SPOCK1: variants seen among roughly 807,000 people sequenced by gnomAD.
SPOCK1 encodes SPARC (osteonectin), cwcv and kazal like domains proteoglycan 1.
SPOCK1 carries 23 observed loss-of-function variants against 55.3 expected under a neutral mutation model. The observed-to-expected ratio is 0.42, with a 90% confidence interval of 0.30 to 0.59. The LOEUF (loss-of-function observed/expected upper bound fraction) is 0.59, where lower values mean the gene tolerates loss of function less well. Ranked by LOEUF, SPOCK1 falls within the 20% of genes least tolerant of loss-of-function variation. SPOCK1 has a pLI of 0.22. For synonymous variants in SPOCK1, 226 were observed against 221.0 expected, an observed-to-expected ratio of 1.02 and a Z score of -0.20; for missense variants, 499 against 552.5, an observed-to-expected ratio of 0.90 and a Z score of 0.97.
intron 3 of SPOCK1, among the ~76,000 whole-genome samples, chr5:137,157,113 G>T (rs1338295404): frequency 3.9e-5 from 6 of 151,926 alleles, no homozygotes; most frequent in Non-Finnish European, 2.9e-5. Flanking sequence ...CCTCCCTCCT[G>T]CACTCTTACA....
chr5:137,254,135 T>C (rs1434296728), intron 3 of SPOCK1, among the ~76,000 whole-genome samples: 1 of 152,212 alleles, frequency 6.6e-6, no homozygotes, highest in Non-Finnish European at 1.5e-5. Context: ...TCATAATTAT[T>C]AGCAGATGCC....
intron 6 of SPOCK1, among the ~76,000 whole-genome samples, chr5:137,016,787 T>C (rs1020141079): frequency 2.6e-5 from 4 of 152,208 alleles, no homozygotes; most frequent in African/African-American, 9.6e-5. Context: ...TTTGCTGTAT[T>C]TTAAGAGAGC....
chr5:137,247,664 A>G (rs568648274), intron 3 of SPOCK1, among the ~76,000 whole-genome samples: 3 of 152,304 alleles, frequency 2.0e-5, no homozygotes, highest in Non-Finnish European at 4.4e-5. Flanking sequence ...TTATAAAGCA[A>G]AGAAGTTTAT....
intron 3 of SPOCK1, among the ~76,000 whole-genome samples, chr5:137,167,328 T>C (rs1580786789): frequency 6.6e-6 from 1 of 152,126 alleles, no homozygotes; most frequent in Non-Finnish European, 1.5e-5. Context: ...AAGTAAATAT[T>C]TGATCTAAAG....
At chr5:137,375,347 A>G (rs546987626) in intron 2 of SPOCK1, among the ~76,000 whole-genome samples, 25 of 152,340 alleles carry the variant, frequency 1.6e-4, no homozygotes, top group African/African-American at 5.8e-4. Context: ...GGATGAATTC[A>G]CTTTATATCA....
intron 2 of SPOCK1, among the ~76,000 whole-genome samples, chr5:137,367,783 C>T (rs1200170193): frequency 6.6e-6 from 1 of 152,240 alleles, no homozygotes; most frequent in African/African-American, 2.4e-5. Context: ...TAGGCACCAA[C>T]TACCTGCTGA....
At chr5:137,008,095 C>T (rs915583383) in intron 6 of SPOCK1, among the ~76,000 whole-genome samples, 5 of 134,018 alleles carry the variant, frequency 3.7e-5, no homozygotes, top group South Asian at 2.4e-4. Context: ...AAAACGAGAA[C>T]GTATGGGCAC....
intron 9 of SPOCK1, among the ~76,000 whole-genome samples, chr5:136,984,482 G>A (rs955697649): frequency 1.3e-5 from 2 of 152,104 alleles, no homozygotes; most frequent in African/African-American, 2.4e-5. Context: ...CAATGAGAAT[G>A]GCCAGTGTTT....
chr5:137,490,081 G>A (rs1313500384), intron 2 of SPOCK1, among the ~76,000 whole-genome samples: 5 of 152,124 alleles, frequency 3.3e-5, no homozygotes, highest in South Asian at 2.1e-4. Context: ...TTCTTCACCC[G>A]ACACCTAGCA....
At chr5:137,040,539 A>G (rs941971211) in intron 6 of SPOCK1, among the ~76,000 whole-genome samples, 1 of 152,170 alleles carries the variant, frequency 6.6e-6, no homozygotes, top group Non-Finnish European at 1.5e-5. Context: ...GCAATACCCA[A>G]TTTGCCATAT....
chr5:137,075,438 G>A (rs887959264), intron 5 of SPOCK1, among the ~76,000 whole-genome samples: 5 of 152,200 alleles, frequency 3.3e-5, no homozygotes, highest in Non-Finnish European at 7.3e-5. Context: ...CTTACACCTG[G>A]TAAAGAGCTG....
In SPOCK1 at chr5:137,358,390, AAAGG is replaced by A. The variant is rs143349157; in HGVS notation, c.187-91339_187-91336del. Among the ~76,000 whole-genome samples the A allele has an allele frequency of 3.0e-3, 348 of 116,442 alleles. 7 individuals carry two copies. In the East Asian group the frequency reaches 0.05, roughly 17 times the overall value. The allele number at this position is 116,442 out of a possible 152,430, so 76.4% of individuals were successfully genotyped here. On this transcript the variant is annotated intron_variant, in intron 2 of 10. Coordinates refer to ENST00000394945, the MANE Select transcript of SPOCK1 (RefSeq NM_004598.4). The stretch of plus-strand genomic sequence containing the variant: ...TTGGCTCTTATTACCTTCATGACGG[AAAGG>A]AAGGAAGGAAGGAAGGAAGGAAGGA...
chr5:137,461,916 A>G (rs1288919905), intron 2 of SPOCK1, among the ~76,000 whole-genome samples: 1 of 152,186 alleles, frequency 6.6e-6, no homozygotes, highest in East Asian at 1.9e-4. Context: ...GTGATCCTCA[A>G]ACTCCCCATG....
chr5:137,177,447 T>A (rs563742038), intron 3 of SPOCK1, among the ~76,000 whole-genome samples: 1 of 151,862 alleles, frequency 6.6e-6, no homozygotes, highest in East Asian at 1.9e-4. Context: ...GGAGTCCAGC[T>A]TGGGGACAGA....
At chr5:137,436,951 G>A (rs539444935) in intron 2 of SPOCK1, among the ~76,000 whole-genome samples, 4 of 152,108 alleles carry the variant, frequency 2.6e-5, no homozygotes, top group Admixed American at 6.6e-5. Context: ...CTCTCTTTAG[G>A]GTCTGACAGA....
chr5:137,091,650 G>A (rs1753056475), intron 5 of SPOCK1, among the ~76,000 whole-genome samples: 1 of 152,192 alleles, frequency 6.6e-6, no homozygotes, highest in Non-Finnish European at 1.5e-5. Flanking sequence ...CTCACTGTCA[G>A]TCTGTTGGAG....
intron 2 of SPOCK1, among the ~76,000 whole-genome samples, chr5:137,493,215 T>C (rs1754224003): frequency 6.6e-6 from 1 of 152,228 alleles, no homozygotes; most frequent in African/African-American, 2.4e-5. Flanking sequence ...TGTGTTTGGT[T>C]TGAAACACAT....
At chr5:137,182,145 A>G (rs892726663) in intron 3 of SPOCK1, among the ~76,000 whole-genome samples, 1 of 152,160 alleles carries the variant, frequency 6.6e-6, no homozygotes, top group Non-Finnish European at 1.5e-5. Context: ...GCATCCTTCA[A>G]TGGATACCAT....
intron 2 of SPOCK1, among the ~76,000 whole-genome samples, chr5:137,279,280 AGAG>A (rs1182670216): frequency 1.3e-5 from 2 of 152,258 alleles, no homozygotes; most frequent in Non-Finnish European, 2.9e-5. Context: ...TGGTCTAGCC[AGAG>A]GAGAAGTAAC....
Sources: allele counts gnomAD v4.1 joint callset (sites outside exome capture counted in the v4.1 genomes callset), GRCh38; gene constraint gnomAD v4.1.1; transcripts MANE v1.5; gene names NCBI Gene and HGNC (gene_info 2026-07-23, HGNC 2026-07-21).